KCNAB1: variants seen among roughly 807,000 people sequenced by gnomAD.
KCNAB1 encodes the protein voltage-gated potassium channel subunit beta-1.
In KCNAB1, 35 loss-of-function variants were observed where a neutral mutation model predicts 64.6. The observed-to-expected ratio is 0.54, with a 90% CI of 0.41 to 0.72. The LOEUF is 0.72. Ranked by LOEUF, KCNAB1 falls within the 30% of genes least tolerant of loss-of-function variation. The pLI is 0.00. For synonymous variants in KCNAB1, 177 were observed against 183.8 expected, an observed-to-expected ratio of 0.96 and a Z score of 0.30; for missense variants, 401 against 512.9, an observed-to-expected ratio of 0.78 and a Z score of 2.11.
rs1373258104 is a variant in KCNAB1, at chr3:156,143,549, T to C, written c.275+22663T>C. ...AAAGAAGGAAAAATGCAGTGAGCCC[T>C]CTTCTTGGGTTGCATTCTTGTTTTT... is the stretch of plus-strand genomic sequence containing the variant. On this transcript the variant is annotated intron_variant, in intron 1 of 13. Transcript: ENST00000490337. The C allele has an allele frequency of 7.9e-6, 4 of 507,096 alleles. No homozygotes were observed. In the Admixed American group the frequency reaches 1.3e-4, roughly 16 times the overall value. The allele number at this position is 507,096 out of a possible 1,614,324, so 31.4% of individuals were successfully genotyped here.
chr3:156,538,807 A>G (rs1290618659), downstream of KCNAB1: 1 of 152,248 alleles, frequency 6.6e-6, no homozygotes, highest in African/African-American at 2.4e-5. Flanking sequence ...ATCCAAACAT[A>G]TTCTATCATC....
chr3:156,311,931 G>A (rs963273672), intron 1 of KCNAB1, among the ~76,000 whole-genome samples: 7 of 152,110 alleles, frequency 4.6e-5, no homozygotes, highest in African/African-American at 1.2e-4. Context: ...GCCTGTTGAC[G>A]GCTATCCATT....
rs575620630 is a variant in KCNAB1 at position 156,127,923 on chromosome 3, G to A, written c.275+7037G>A. On this transcript the variant is annotated intron_variant, in intron 1 of 13. Transcript: ENST00000490337. Reference sequence around the variant, plus strand: ...TGTGTGTGTGTGTGTGTGTGTGCACGTGCGTGCGCACCTGGTTTCTTCTGA... The same window carrying A: ...TGTGTGTGTGTGTGTGTGTGTGCACATGCGTGCGCACCTGGTTTCTTCTGA... Among the ~76,000 whole-genome samples the A allele has an allele frequency of 1.5e-3, 231 of 151,860 alleles. 1 individual carries two copies. Among genetic ancestry groups the A allele is most frequent in the South Asian group, 9.8e-3 (47 of 4,802 alleles).
At chr3:156,469,949 C>G (rs929601576) in intron 7 of KCNAB1, among the ~76,000 whole-genome samples, 3 of 152,162 alleles carry the variant, frequency 2.0e-5, no homozygotes, top group African/African-American at 7.2e-5. Context: ...GGTGACCTCA[C>G]TCGACATTGG....
intron 1 of KCNAB1, among the ~76,000 whole-genome samples, chr3:156,147,555 T>C (rs966133594): frequency 1.3e-5 from 2 of 152,184 alleles, no homozygotes; most frequent in Non-Finnish European, 2.9e-5. Context: ...TTCTTTTTTT[T>C]AAGAATGACA....
chr3:156,266,754 G>A (rs1718744057), intron 1 of KCNAB1, among the ~76,000 whole-genome samples: 1 of 152,190 alleles, frequency 6.6e-6, no homozygotes, highest in African/African-American at 2.4e-5. Flanking sequence ...ACACAGTGAT[G>A]TGACTTGGTA....
At chr3:156,401,671 A>G (rs1400743046) in intron 1 of KCNAB1, among the ~76,000 whole-genome samples, 1 of 152,238 alleles carries the variant, frequency 6.6e-6, no homozygotes, top group African/African-American at 2.4e-5. Context: ...ACAGCCACCC[A>G]ATGAAATCTG....
chr3:156,206,359 T>C (rs1714661339), intron 1 of KCNAB1, among the ~76,000 whole-genome samples: 1 of 152,212 alleles, frequency 6.6e-6, no homozygotes, highest in South Asian at 2.1e-4. Flanking sequence ...AAAACCATAC[T>C]GTGGTTGTGA....
chr3:156,301,795 A>G (rs1157165116), intron 1 of KCNAB1, among the ~76,000 whole-genome samples: 1 of 152,162 alleles, frequency 6.6e-6, no homozygotes, highest in East Asian at 1.9e-4. Flanking sequence ...TCCAAATTTC[A>G]CCAGATATTT....
chr3:156,279,421 A>T (rs1719557141), intron 1 of KCNAB1, among the ~76,000 whole-genome samples: 1 of 152,192 alleles, frequency 6.6e-6, no homozygotes, highest in Admixed American at 6.5e-5. Context: ...ATGCCGCAAT[A>T]AACATACGGG....
At chr3:156,329,090 A>G (rs538071016) in intron 1 of KCNAB1, among the ~76,000 whole-genome samples, 1 of 152,246 alleles carries the variant, frequency 6.6e-6, no homozygotes, top group South Asian at 2.1e-4. Flanking sequence ...GCTGGTGACA[A>G]CCTTGTATTC....
chr3:156,507,236 G>A (rs1173801153), intron 8 of KCNAB1, among the ~76,000 whole-genome samples: 3 of 152,110 alleles, frequency 2.0e-5, no homozygotes, highest in Non-Finnish European at 2.9e-5. Context: ...CACCTAAACA[G>A]TTACTGTCAA....
chr3:156,312,703 CAAA>C (rs397991453), intron 1 of KCNAB1, among the ~76,000 whole-genome samples: 1,115 of 27,334 alleles, frequency 0.041, 6 homozygotes, highest in South Asian at 0.12. Flanking sequence ...AGACTGTCTC[CAAA>C]AAAAAAAAAA....
intron 2 of KCNAB1, among the ~76,000 whole-genome samples, chr3:156,442,011 T>C (rs1361719485): frequency 6.6e-6 from 1 of 152,214 alleles, no homozygotes; most frequent in Non-Finnish European, 1.5e-5. Context: ...ATTTCAATAA[T>C]GTGGGCCAAA....
chr3:156,515,667 A>C (rs953777677), intron 10 of KCNAB1, among the ~76,000 whole-genome samples: 4 of 152,184 alleles, frequency 2.6e-5, no homozygotes, highest in African/African-American at 4.8e-5. Flanking sequence ...GTCGGGTACT[A>C]TACATTTGTG....
At chr3:156,133,793 C>T (rs1168935944) in intron 1 of KCNAB1, among the ~76,000 whole-genome samples, 1 of 152,170 alleles carries the variant, frequency 6.6e-6, no homozygotes, top group African/African-American at 2.4e-5. Flanking sequence ...TTCAACTAGA[C>T]TTACACAAGA....
rs72558050 is a variant in KCNAB1 at position 156,291,796 on chromosome 3, G to A, written c.276-129820G>A. 9 of 1,544,506 alleles carry A rather than the reference G, an allele frequency of 5.8e-6. No individual in the cohort carries two copies. In the East Asian group the frequency reaches 1.2e-4, roughly 20 times the overall value. On this transcript the variant is annotated intron_variant, in intron 1 of 13. Transcript: ENST00000490337. ...CTCCTCTGACGGCATCCCCAGGAAG[G>A]GGGAGCAAGGAGGGCTTAAAAGAAA...
chr3:156,220,794 G>A (rs1387939612), intron 1 of KCNAB1, among the ~76,000 whole-genome samples: 1 of 152,164 alleles, frequency 6.6e-6, no homozygotes, highest in Non-Finnish European at 1.5e-5. Flanking sequence ...CTTTGCCCAT[G>A]CCTATGTCCT....
intron 1 of KCNAB1, among the ~76,000 whole-genome samples, chr3:156,324,409 C>T (rs1722845174): frequency 6.6e-6 from 1 of 152,142 alleles, no homozygotes; most frequent in Non-Finnish European, 1.5e-5. Context: ...TTTCACTCAT[C>T]TCCAGGGAAA....
Sources: allele counts gnomAD v4.1 joint callset (sites outside exome capture counted in the v4.1 genomes callset), GRCh38; gene constraint gnomAD v4.1.1; transcripts MANE v1.5; gene names NCBI Gene and HGNC (gene_info 2026-07-23, HGNC 2026-07-21).